SOX5: variants seen among roughly 807,000 people sequenced by gnomAD.
SOX5 encodes SRY-box transcription factor 5.
A neutral mutation model predicts 92.0 loss-of-function variants in SOX5; 9 were observed. The ratio of observed to expected loss-of-function variants is 0.10; its 90% CI spans 0.06 to 0.17. The LOEUF (loss-of-function observed/expected upper bound fraction) is 0.17. Among genes scored for constraint, SOX5 ranks in the 10% least tolerant of loss-of-function variants. The probability of loss-of-function intolerance (pLI) is 1.00; values close to 1 mark genes in which losing one functional copy is unlikely to be tolerated. For missense variants in SOX5, 642 were observed against 944.5 expected (o/e 0.68, Z 4.20); for synonymous variants, 344 against 336.3 (o/e 1.02, Z -0.25).
intron 2 of SOX5, among the ~76,000 whole-genome samples, chr12:23,865,674 C>CAA (rs201267717): frequency 1.6e-4 from 24 of 150,454 alleles, no homozygotes; most frequent in Non-Finnish European, 2.2e-4. Flanking sequence ...GACTCCGTCT[C>CAA]AAAAAAAACG....
intron 4 of SOX5, among the ~76,000 whole-genome samples, chr12:23,988,968 G>A (rs956545697): frequency 2.0e-5 from 3 of 152,158 alleles, no homozygotes; most frequent in Non-Finnish European, 4.4e-5. Flanking sequence ...GTTATATGAT[G>A]TGCCAGCCTT....
chr12:23,740,879 C>T lies in SOX5; in HGVS notation c.729G>A (p.Gln243=). The change falls in exon 5 of 15, where the codon CAG becomes CAA. Residue 243 remains glutamine, a synonymous_variant. Transcript: ENST00000451604. Reference sequence around the variant, plus strand: ...AGTTCTTACTCACTTGTTCTTGTTGCTGCTTGGCCAGCTCCATTTGCTGAC... The same window carrying T: ...AGTTCTTACTCACTTGTTCTTGTTGTTGCTTGGCCAGCTCCATTTGCTGAC... ...KQRQQMELAK[Q]QQEQIARQQQ... 1.9e-6 allele frequency: 3 copies of T among 1,610,432 alleles called. No individual in the cohort carries two copies. Among genetic ancestry groups the T allele is most frequent in the South Asian group, 1.1e-5 (1 of 90,800 alleles).
chr12:24,210,180 G>T (rs1019243950), intron 4 of SOX5, among the ~76,000 whole-genome samples: 15 of 151,548 alleles, frequency 9.9e-5, no homozygotes, highest in Admixed American at 2.0e-4. Context: ...ATTATAAATG[G>T]TTACTTCTAA....
intron 3 of SOX5, among the ~76,000 whole-genome samples, chr12:23,765,654 T>C (rs936426187): frequency 1.3e-5 from 2 of 152,100 alleles, no homozygotes; most frequent in African/African-American, 4.8e-5. Context: ...TTCTGAACTA[T>C]ATGAAAGGTA....
chr12:23,977,903 G>A (rs1949096738), intron 4 of SOX5, among the ~76,000 whole-genome samples: 2 of 152,142 alleles, frequency 1.3e-5, no homozygotes, highest in Admixed American at 6.5e-5. Context: ...TCGCTGGCCT[G>A]GTTAGGCAAA....
chr12:24,027,290 A>G (rs770075724), intron 4 of SOX5, among the ~76,000 whole-genome samples: 6 of 151,968 alleles, frequency 3.9e-5, no homozygotes, highest in Non-Finnish European at 8.8e-5. Context: ...TATTAAAAAC[A>G]ACACTCAGAT....
At chr12:23,585,473 T>G (rs111653783) in intron 9 of SOX5, among the ~76,000 whole-genome samples, 1 of 152,004 alleles carries the variant, frequency 6.6e-6, no homozygotes, top group Non-Finnish European at 1.5e-5. Flanking sequence ...TCATTACAGA[T>G]AGAGGAAAGG....
chr12:23,980,956 T>C (rs1230913747), intron 4 of SOX5, among the ~76,000 whole-genome samples: 1 of 152,222 alleles, frequency 6.6e-6, no homozygotes, highest in Non-Finnish European at 1.5e-5. Context: ...GTCTGTGATA[T>C]GGCTCCTCAC....
At chr12:24,491,864 TG>T (rs1367977980) in intron 1 of SOX5, among the ~76,000 whole-genome samples, 3 of 152,178 alleles carry the variant, frequency 2.0e-5, no homozygotes, top group African/African-American at 4.8e-5. Flanking sequence ...CAAGCAGAGT[TG>T]TTTTTTTGGT....
intron 2 of SOX5, among the ~76,000 whole-genome samples, chr12:23,890,716 C>G (rs10505913): frequency 0.061 from 9,242 of 151,766 alleles, 370 homozygotes; most frequent in East Asian, 0.094. Context: ...CAAATAAATC[C>G]ATCTGTATCC....
At position 23,530,896 on chromosome 12, in the gene SOX5, G is replaced by C. The variant is rs1938923911; in HGVS notation, c.*3323C>G. ...GTGTGAACAGATAGGTAAGAAAGCA[G>C]ACAGGAAGGAGACTGTTTATGTTTT... On this transcript the variant is annotated 3_prime_UTR_variant, in exon 15 of 15. Coordinates refer to ENST00000451604, the MANE Select transcript of SOX5 (RefSeq NM_006940.6). 1 of 150,594 alleles carries C rather than the reference G, an allele frequency of 6.6e-6. No individual in the cohort carries two copies. Among genetic ancestry groups the C allele is most frequent in the Non-Finnish European group, 1.5e-5 (1 of 67,660 alleles). 9.3% of individuals were successfully genotyped at this position (150,594 alleles called of 1,614,324 possible).
intron 7 of SOX5, among the ~76,000 whole-genome samples, chr12:23,648,299 C>T (rs948482228): frequency 2.6e-5 from 4 of 152,090 alleles, no homozygotes; most frequent in Admixed American, 2.0e-4. Context: ...ATGCAATCTG[C>T]GTGAAACACA....
At chr12:23,866,145 A>G (rs1021868896) in intron 2 of SOX5, among the ~76,000 whole-genome samples, 1 of 152,244 alleles carries the variant, frequency 6.6e-6, no homozygotes. Context: ...TCTCTGAGGT[A>G]TACCTGTGTA....
intron 6 of SOX5, among the ~76,000 whole-genome samples, chr12:23,728,122 T>C (rs1180426231): frequency 6.6e-6 from 1 of 152,146 alleles, no homozygotes; most frequent in Non-Finnish European, 1.5e-5. Flanking sequence ...GCAGGCCACT[T>C]GTCTTCTCAA....
intron 4 of SOX5, among the ~76,000 whole-genome samples, chr12:24,039,256 T>C (rs1376782391): frequency 2.0e-5 from 3 of 152,102 alleles, no homozygotes; most frequent in Non-Finnish European, 4.4e-5. Flanking sequence ...AGATGATGAT[T>C]TGATGGTTTT....
At chr12:23,547,257 T>C (rs1591947671) in intron 11 of SOX5, among the ~76,000 whole-genome samples, 1 of 152,168 alleles carries the variant, frequency 6.6e-6, no homozygotes, top group Admixed American at 6.5e-5. Flanking sequence ...TGAAACTTGA[T>C]AACTTTCTCG....
At chr12:23,641,550 C>G (rs7315681) in intron 7 of SOX5, among the ~76,000 whole-genome samples, 49,077 of 151,908 alleles carry the variant, frequency 0.32, 8,117 homozygotes, top group African/African-American at 0.36. Context: ...AAAAAGCACA[C>G]TAATTCAAAA....
At chr12:24,336,535 T>C (rs985914351) in intron 2 of SOX5, among the ~76,000 whole-genome samples, 1 of 152,152 alleles carries the variant, frequency 6.6e-6, no homozygotes, top group African/African-American at 2.4e-5. Flanking sequence ...GAAAATCAAA[T>C]AGGACATTTT....
intron 3 of SOX5, among the ~76,000 whole-genome samples, chr12:23,779,818 C>T (rs369344581): frequency 0.021 from 2,271 of 105,752 alleles, 48 homozygotes; most frequent in South Asian, 0.11. Flanking sequence ...TATATATACA[C>T]ACACACACAC....
Sources: gnomAD v4.1 joint callset for allele counts (sites outside exome capture counted in the v4.1 genomes callset) on GRCh38, gnomAD v4.1.1 for gene constraint, MANE v1.5 for transcripts, NCBI Gene and HGNC (gene_info 2026-07-23, HGNC 2026-07-21) for gene names.